Variants in ST18 observed in about 807,000 individuals in gnomAD.
ST18 encodes the protein suppression of tumorigenicity 18 protein.
A neutral mutation model predicts 110.0 loss-of-function variants in ST18; 50 were observed. That is an observed-to-expected ratio of 0.45 (90% CI 0.36 to 0.58). ST18 has a LOEUF of 0.58. ST18 is among the 20% of genes least tolerant of loss of function. The probability of loss-of-function intolerance (pLI) is 0.00; values close to 1 mark genes in which losing one functional copy is unlikely to be tolerated. For synonymous variants in ST18, 461 were observed against 452.4 expected, an observed-to-expected ratio of 1.02 and a Z score of -0.24; for missense variants, 1,306 against 1,280.1, an observed-to-expected ratio of 1.02 and a Z score of -0.31.
intron 17 of ST18, among the ~76,000 whole-genome samples, chr8:52,138,406 A>C (rs1039331564): frequency 5.9e-5 from 9 of 152,158 alleles, no homozygotes; most frequent in African/African-American, 2.2e-4. Flanking sequence ...CCTGCATTTC[A>C]TTTTATCTCT....
intron 9 of ST18, among the ~76,000 whole-genome samples, chr8:52,176,314 G>A (rs1035185876): frequency 6.6e-6 from 1 of 152,174 alleles, no homozygotes; most frequent in East Asian, 1.9e-4. Flanking sequence ...GAGCCACCGC[G>A]CCTGGCCAAT....
chr8:52,272,936 G>A (rs2095123173), intron 2 of ST18, among the ~76,000 whole-genome samples: 1 of 152,132 alleles, frequency 6.6e-6, no homozygotes, highest in African/African-American at 2.4e-5. Context: ...TCATCAATGT[G>A]CATAAAATTT....
chr8:52,344,842 T>A (rs972311017), intron 2 of ST18, among the ~76,000 whole-genome samples: 1 of 152,246 alleles, frequency 6.6e-6, no homozygotes, highest in African/African-American at 2.4e-5. Context: ...GCTGATAACT[T>A]TGCAAGTTTT....
chr8:52,333,210 T>C (rs562793780), intron 2 of ST18, among the ~76,000 whole-genome samples: 8 of 152,222 alleles, frequency 5.3e-5, no homozygotes, highest in Admixed American at 4.6e-4. Context: ...TTCAGCTAGG[T>C]TATCCTAAAC....
chr8:52,155,960 T>A (rs759115897), intron 15 of ST18, among the ~76,000 whole-genome samples: 5 of 152,128 alleles, frequency 3.3e-5, no homozygotes, highest in Non-Finnish European at 7.3e-5. Context: ...TATGGGGTGC[T>A]TTATGCAAAT....
At chr8:52,199,224 T>C (rs2077164911) in intron 8 of ST18, 1 of 152,078 alleles carries the variant, frequency 6.6e-6, no homozygotes. Flanking sequence ...TCTGTTCATC[T>C]AGACAACATG....
chr8:52,265,160 A>G (rs1240113799), intron 2 of ST18, among the ~76,000 whole-genome samples: 3 of 152,230 alleles, frequency 2.0e-5, no homozygotes, highest in Non-Finnish European at 2.9e-5. Flanking sequence ...GAGGGCAGAC[A>G]GCCACAAGCA....
At chr8:52,121,766 C>T (rs772049940) in intron 23 of ST18, among the ~76,000 whole-genome samples, 8 of 152,184 alleles carry the variant, frequency 5.3e-5, no homozygotes, top group Non-Finnish European at 1.0e-4. Flanking sequence ...CTGATGTTTA[C>T]AGACATACTT....
intron 2 of ST18, among the ~76,000 whole-genome samples, chr8:52,397,254 T>C (rs957054061): frequency 2.6e-5 from 4 of 152,220 alleles, no homozygotes; most frequent in South Asian, 2.1e-4. Context: ...CCTCTTCATA[T>C]ATATGTTGGC....
chr8:52,392,167 C>G (rs1411694807), intron 2 of ST18, among the ~76,000 whole-genome samples: 3 of 152,186 alleles, frequency 2.0e-5, no homozygotes, highest in Non-Finnish European at 4.4e-5. Context: ...AGAGTATCTA[C>G]ATGAGAGGAT....
chr8:52,171,850 C>G lies in ST18; in HGVS notation c.1011G>C (p.Gly337=). The change falls in exon 10 of 26, where the codon GGG becomes GGC. Residue 337 remains glycine (G), a synonymous_variant. Transcript: ENST00000689386. ...LDRFLLEHLA[G]ERRQTKVIDM... ...CGATAACTTTGGTTTGCCTCCTTTC[C>G]CCTGCTAGGTGCTCCAGCAGGAACC... 6.2e-7 allele frequency: 1 copy of G among 1,614,132 alleles called. No homozygotes were observed.
At chr8:52,351,056 G>T (rs578255365) in intron 2 of ST18, among the ~76,000 whole-genome samples, 45 of 152,196 alleles carry the variant, frequency 3.0e-4, no homozygotes, top group African/African-American at 1.0e-3. Flanking sequence ...AAATATTAGC[G>T]TATTAATAAC....
intron 2 of ST18, among the ~76,000 whole-genome samples, chr8:52,308,189 A>C (rs1432478760): frequency 6.6e-6 from 1 of 152,166 alleles, no homozygotes; most frequent in Non-Finnish European, 1.5e-5. Context: ...CTCTTGTACC[A>C]AGACTGGTCC....
At chr8:52,322,180 A>G (rs1250846965) in intron 2 of ST18, among the ~76,000 whole-genome samples, 1 of 152,226 alleles carries the variant, frequency 6.6e-6, no homozygotes, top group Non-Finnish European at 1.5e-5. Flanking sequence ...TGAAGCTGGT[A>G]TGGAAGGCAA....
At chr8:52,393,366 G>A (rs1839947704) in intron 2 of ST18, among the ~76,000 whole-genome samples, 1 of 152,122 alleles carries the variant, frequency 6.6e-6, no homozygotes, top group Admixed American at 6.5e-5. Context: ...TAACGCATGT[G>A]CAGCCAGCAT....
chr8:52,237,466 A>C (rs1451256054), intron 2 of ST18, among the ~76,000 whole-genome samples: 1 of 152,176 alleles, frequency 6.6e-6, no homozygotes, highest in Non-Finnish European at 1.5e-5. Context: ...TCCATCTTTC[A>C]AGTGAGGAGA....
At chr8:52,342,258 C>T (rs1413633652) in intron 2 of ST18, among the ~76,000 whole-genome samples, 4 of 151,480 alleles carry the variant, frequency 2.6e-5, no homozygotes, top group African/African-American at 9.7e-5. Context: ...GTATTCAGAG[C>T]CAAAAAGAAA....
chr8:52,296,667 G>A (rs1313310552), intron 2 of ST18: 1 of 152,118 alleles, frequency 6.6e-6, no homozygotes, highest in Non-Finnish European at 1.5e-5. Flanking sequence ...GTGTGCACTG[G>A]AATAAAGTCT....
At chr8:52,211,605 C>T (rs1234577836) in intron 8 of ST18, among the ~76,000 whole-genome samples, 1 of 151,960 alleles carries the variant, frequency 6.6e-6, no homozygotes, top group Non-Finnish European at 1.5e-5. Flanking sequence ...CGGGGTTTCG[C>T]CATGTTGCCC....
Sources: gnomAD v4.1 joint callset for allele counts (sites outside exome capture counted in the v4.1 genomes callset) on GRCh38, gnomAD v4.1.1 for gene constraint, MANE v1.5 for transcripts, NCBI Gene and HGNC (gene_info 2026-07-23, HGNC 2026-07-21) for gene names.